Variants in SYNE3 observed in about 807,000 individuals in gnomAD.
SYNE3 encodes the protein nesprin-3.
In SYNE3, 100 loss-of-function variants were observed where a neutral mutation model predicts 111.2. The observed-to-expected ratio is 0.90, with a 90% CI of 0.77 to 1.06. SYNE3 has a LOEUF of 1.06. Ranked by LOEUF, SYNE3 falls within the 50% of genes least tolerant of loss-of-function variation. The pLI, the probability that SYNE3 is intolerant of heterozygous loss-of-function variation, is 0.00. For synonymous variants in SYNE3, 547 were observed against 533.9 expected (o/e 1.02, Z -0.34); for missense variants, 1,160 against 1,240.3 (o/e 0.94, Z 0.97).
intron 15 of SYNE3, among the ~76,000 whole-genome samples, chr14:95,435,620 A>C (rs1844175495): frequency 6.6e-6 from 1 of 152,208 alleles, no homozygotes; most frequent in Non-Finnish European, 1.5e-5. Flanking sequence ...AGAGAAAAAA[A>C]AATAAGGTTA....
chr14:95,478,317 A>T (rs1566679952), intron 1 of SYNE3, among the ~76,000 whole-genome samples: 2 of 152,222 alleles, frequency 1.3e-5, no homozygotes, highest in South Asian at 2.1e-4. Flanking sequence ...AGAAGCTCTC[A>T]GAGGAGCTTC....
At chr14:95,460,607 T>C (rs541243545) in intron 4 of SYNE3, among the ~76,000 whole-genome samples, 6 of 134,248 alleles carry the variant, frequency 4.5e-5, no homozygotes, top group Non-Finnish European at 7.8e-5. Context: ...TGGGCCCTGC[T>C]TGAATCTGAA....
chr14:95,421,377 A>G (rs1885119432), intron 17 of SYNE3, among the ~76,000 whole-genome samples: 1 of 152,132 alleles, frequency 6.6e-6, no homozygotes, highest in Non-Finnish European at 1.5e-5. Flanking sequence ...CGCAGGCTAG[A>G]GTTCATCACA....
At chr14:95,503,099 C>T (rs1039769330) in intron 1 of SYNE3, among the ~76,000 whole-genome samples, 4 of 152,216 alleles carry the variant, frequency 2.6e-5, no homozygotes, top group African/African-American at 9.7e-5. Context: ...TAGCAAGCCT[C>T]TAGAAAAGTG....
rs942402554 is a variant in SYNE3, at chr14:95,443,220, G to C, written c.1846C>G (p.Pro616Ala). The C allele has an allele frequency of 1.2e-6, 2 of 1,614,216 alleles. No individual in the cohort carries two copies. The highest frequency in any genetic ancestry group is 1.7e-6 in the Non-Finnish European group (2 of 1,180,042). The change falls in exon 11 of 18, where the codon CCC becomes GCC. Residue 616 changes from proline (P) to alanine (A), a missense_variant. Coordinates refer to ENST00000682763, the MANE Select transcript of SYNE3 (RefSeq NM_152592.6). ...EAARPLVQEN[P>A]NHQHKMDQLS... is the part of the protein sequence containing the mutation. ...TGGTCCATTTTGTGCTGGTGGTTGG[G>C]GTTCTCCTGGACCAGAGGCCTTGCA...
chr14:95,439,652 A>C lies in SYNE3; in HGVS notation c.2206T>G (p.Ser736Ala), dbSNP rs1273009478. 6.2e-7 allele frequency: 1 copy of C among 1,613,296 alleles called. No homozygotes were observed. The highest frequency in any genetic ancestry group is 1.7e-5 in the Admixed American group (1 of 59,988). ...VQEELRELAE[S>A]WRALRLLEES... Reference sequence around the variant, plus strand: ...TCCAGCAGCCTCAAGGCCCGCCACGACTCTGCCAGCTCCCTGAGCTCCTCC... The same window carrying C: ...TCCAGCAGCCTCAAGGCCCGCCACGCCTCTGCCAGCTCCCTGAGCTCCTCC... The change falls in exon 13 of 18, where the codon TCG becomes GCG. Residue 736 changes from serine to alanine, a missense_variant. By Grantham distance (99) the Ser-to-Ala change is moderately conservative (BLOSUM62 1). Coordinates refer to ENST00000682763, the MANE Select transcript of SYNE3 (RefSeq NM_152592.6).
At chr14:95,482,253 G>C (rs1889306094) in intron 1 of SYNE3, among the ~76,000 whole-genome samples, 1 of 152,168 alleles carries the variant, frequency 6.6e-6, no homozygotes. Context: ...GGCCAACATG[G>C]TGAAACCCTG....
chr14:95,437,904 C>T (rs940615621), intron 14 of SYNE3: 3 of 152,056 alleles, frequency 2.0e-5, no homozygotes, highest in Non-Finnish European at 2.9e-5. Flanking sequence ...TGTTCGGCCC[C>T]GATGCTCTCT....
At chr14:95,482,437 A>T (rs1031029058) in intron 1 of SYNE3, among the ~76,000 whole-genome samples, 18 of 152,158 alleles carry the variant, frequency 1.2e-4, no homozygotes, top group African/African-American at 1.7e-4. Context: ...ATCTCAAAAT[A>T]AATTAATTAA....
rs1007308638 is a variant in SYNE3, at chr14:95,475,726, G to A, written c.96C>T (p.Asn32=). ...AVQDQLQVND[N]TQGPRAALEA... is the part of the protein sequence containing the mutation. ...CCAGGGCCGCGCGGGGTCCCTGCGTGTTGTCATTGACCTGCAGCTGGTCCT... is the reference window on the plus strand; with the variant it reads ...CCAGGGCCGCGCGGGGTCCCTGCGTATTGTCATTGACCTGCAGCTGGTCCT... Residue 32 remains asparagine (N), a synonymous_variant, in exon 2 of 18, where the codon AAC becomes AAT. Coordinates refer to ENST00000682763, the MANE Select transcript of SYNE3 (RefSeq NM_152592.6). The A allele has an allele frequency of 1.2e-6, 2 of 1,606,086 alleles. No individual in the cohort carries two copies. Among genetic ancestry groups the A allele is most frequent in the East Asian group, 2.3e-5 (1 of 44,380 alleles).
chr14:95,463,786 A>C (rs936755104), intron 4 of SYNE3, among the ~76,000 whole-genome samples: 1 of 152,250 alleles, frequency 6.6e-6, no homozygotes, highest in Admixed American at 6.5e-5. Flanking sequence ...CTTGCCTTCA[A>C]ACTGCAGGGG....
At chr14:95,467,556 C>T (rs1022669619) in intron 3 of SYNE3, among the ~76,000 whole-genome samples, 17 of 152,328 alleles carry the variant, frequency 1.1e-4, no homozygotes, top group Middle Eastern at 3.4e-3. Context: ...GATGCACACA[C>T]GGTAAGTCTC....
chr14:95,508,053 C>A (rs1480746994), intron 1 of SYNE3, among the ~76,000 whole-genome samples: 1 of 152,226 alleles, frequency 6.6e-6, no homozygotes, highest in African/African-American at 2.4e-5. Context: ...TGACTCACCA[C>A]TTCCAGCCCA....
At position 95,443,224 on chromosome 14, in the gene SYNE3, C is replaced by G. The variant is rs776109215; in HGVS notation, c.1842G>C (p.Glu614Asp). ...CCATTTTGTGCTGGTGGTTGGGGTT[C>G]TCCTGGACCAGAGGCCTTGCAGCCT... ...QMEAARPLVQ[E>D]NPNHQHKMDQ... The change falls in exon 11 of 18, where the codon GAG (glutamate) becomes GAC (aspartate). Residue 614 changes from glutamate to aspartate, a missense_variant. Transcript: ENST00000682763. 2 of 1,614,220 alleles carry G rather than the reference C, an allele frequency of 1.2e-6. No individual in the cohort carries two copies. The highest frequency in any genetic ancestry group is 1.7e-6 in the Non-Finnish European group (2 of 1,180,034).
chr14:95,452,790 C>T (rs1887175892), intron 6 of SYNE3, among the ~76,000 whole-genome samples: 1 of 152,224 alleles, frequency 6.6e-6, no homozygotes. Flanking sequence ...TACAAGGAAA[C>T]TTGGGCTAAG....
At chr14:95,422,393 G>A (rs1176304312) in intron 17 of SYNE3, among the ~76,000 whole-genome samples, 1 of 152,118 alleles carries the variant, frequency 6.6e-6, no homozygotes, top group Non-Finnish European at 1.5e-5. Context: ...ACTGAGTCTG[G>A]GAGAGTACCC....
chr14:95,494,223 C>T (rs940776420), intron 1 of SYNE3, among the ~76,000 whole-genome samples: 7 of 152,142 alleles, frequency 4.6e-5, no homozygotes, highest in East Asian at 1.9e-4. Context: ...GTTTCAAGCT[C>T]GGGTTCTCCA....
rs1437457108 is a variant in SYNE3, at chr14:95,417,049, C to T, written c.*777G>A. ...GGGGGCTCGGTGTCATCACCAGGGACAGTCCTCATAGGTCTGTGTGATCAG... is the reference window on the plus strand; with the variant it reads ...GGGGGCTCGGTGTCATCACCAGGGATAGTCCTCATAGGTCTGTGTGATCAG... On this transcript the variant is annotated 3_prime_UTR_variant, in exon 18 of 18. Coordinates refer to ENST00000682763, the MANE Select transcript of SYNE3 (RefSeq NM_152592.6). 1.3e-5 allele frequency: 2 copies of T among 152,600 alleles called. No homozygotes were observed. The highest frequency in any genetic ancestry group is 4.8e-5 in the African/African-American group (2 of 41,474). 9.5% of individuals were successfully genotyped at this position (152,600 alleles called of 1,614,324 possible). A position where few individuals can be genotyped will look rare whatever the true frequency, so the allele number is the denominator to read the frequency against.
chr14:95,515,321 G>T (rs1890877183), intron 1 of SYNE3, among the ~76,000 whole-genome samples: 1 of 152,242 alleles, frequency 6.6e-6, no homozygotes, highest in South Asian at 2.1e-4. Flanking sequence ...TCCCGCTGGG[G>T]CACAGTGACA....
Sources: allele counts gnomAD v4.1 joint callset (sites outside exome capture counted in the v4.1 genomes callset), GRCh38; gene constraint gnomAD v4.1.1; transcripts MANE v1.5; gene names NCBI Gene and HGNC (gene_info 2026-07-23, HGNC 2026-07-21).